The following KDM4A variants were observed in gnomAD, a reference collection of about 807,000 sequenced individuals.
KDM4A encodes the protein lysine-specific demethylase 4A.
KDM4A carries 23 observed loss-of-function variants against 127.1 expected under a neutral mutation model. That is an observed-to-expected ratio of 0.18 (90% confidence interval 0.13 to 0.26). The LOEUF is 0.26. Among genes scored for constraint, KDM4A ranks in the 10% least tolerant of loss-of-function variants. KDM4A has a pLI of 1.00. For synonymous variants in KDM4A, 443 were observed against 466.5 expected (o/e 0.95, Z 0.65); for missense variants, 890 against 1,329.1 (o/e 0.67, Z 5.14).
intron 3 of KDM4A, among the ~76,000 whole-genome samples, chr1:43,659,352 C>T (rs1275493088): frequency 3.3e-5 from 5 of 152,068 alleles, no homozygotes; most frequent in East Asian, 1.9e-4. Flanking sequence ...ACTCTATGGC[C>T]GAGGCTGGAG....
At chr1:43,686,346 T>TC (rs1216134307) in intron 12 of KDM4A, among the ~76,000 whole-genome samples, 79 of 145,076 alleles carry the variant, frequency 5.4e-4, no homozygotes, top group African/African-American at 1.9e-3. Flanking sequence ...TTTTTTTTTT[T>TC]TTTTGAGACG....
chr1:43,657,394 G>A (rs1159823550), intron 3 of KDM4A, among the ~76,000 whole-genome samples: 1 of 151,884 alleles, frequency 6.6e-6, no homozygotes, highest in African/African-American at 2.4e-5. Flanking sequence ...GCAGAGGCAG[G>A]GTTTCACCAT....
At chr1:43,652,666 T>G (rs552362347) in intron 1 of KDM4A, among the ~76,000 whole-genome samples, 2 of 141,746 alleles carry the variant, frequency 1.4e-5, no homozygotes, top group Admixed American at 1.4e-4. Context: ...TACTTTTCTT[T>G]CTTTCTTTCT....
Position 43,703,125 on chromosome 1 carries a change from G to C in KDM4A, c.2842-492G>C, listed in dbSNP as rs1022719566. ...ACCTGGCTAATTTTTTGCATTTTTAGTAGAGATGGGGTTTCACCATGTTAG... is the reference window on the plus strand; with the variant it reads ...ACCTGGCTAATTTTTTGCATTTTTACTAGAGATGGGGTTTCACCATGTTAG... On this transcript the variant is annotated intron_variant, in intron 19 of 21. Transcript: ENST00000372396. 2.0e-5 allele frequency among the ~76,000 whole-genome samples: 3 copies of C among 152,056 alleles called. No homozygotes were observed. In the South Asian group the frequency reaches 6.2e-4, roughly 32 times the overall value.
rs139997545 is a variant in KDM4A at position 43,688,411 on chromosome 1, G to C, written c.1856-503G>C. ...CTGCTGACCTTTCCAGAGGAAGCTG[G>C]TAAGTCCTGGCCAAGGACCATGATA... On this transcript the variant is annotated intron_variant, in intron 12 of 21. Transcript: ENST00000372396. This position sits in a 1 kb window ranked among gnomAD's most constrained non-coding sequence, Gnocchi z 4.4. Among the ~76,000 whole-genome samples the C allele has an allele frequency of 2.2e-4, 33 of 152,274 alleles. 1 individual carries two copies. The highest frequency in any genetic ancestry group is 7.7e-4 in the African/African-American group (32 of 41,538).
chr1:43,690,717 C>A, intron 13 of KDM4A, 128 bp from the exon 14 acceptor site: 1 of 858,662 alleles, frequency 1.2e-6, no homozygotes, highest in Non-Finnish European at 2.0e-6. Flanking sequence ...GGGATAATGG[C>A]TGTGCACCCG....
chr1:43,691,450 AC>A lies in KDM4A; in HGVS notation c.2243-45del, dbSNP rs753086102. On this transcript the variant is annotated intron_variant, in intron 14 of 21. Transcript: ENST00000372396. ...AAAGGAATTGCAAATCTACCTTTTG[AC>A]TCTGACCACTGGGTTTAATTTGCTC... The A allele has an allele frequency of 3.4e-6, 5 of 1,480,394 alleles. No homozygotes were observed. In the African/African-American group the frequency reaches 6.9e-5, roughly 21 times the overall value. 91.7% of individuals were successfully genotyped at this position (1,480,394 alleles called of 1,614,324 possible).
At chr1:43,685,805 G>A (rs1660960844) in intron 12 of KDM4A, among the ~76,000 whole-genome samples, 1 of 152,056 alleles carries the variant, frequency 6.6e-6, no homozygotes, top group African/African-American at 2.4e-5. Flanking sequence ...TAAACAGGGT[G>A]GGGAATATCC....
intron 8 of KDM4A, 68 bp downstream of exon 8, chr1:43,667,159 G>T: frequency 6.4e-7 from 1 of 1,564,412 alleles, no homozygotes; most frequent in Non-Finnish European, 8.8e-7. Flanking sequence ...AGATACGTTG[G>T]CTGGTGATTA....
chr1:43,687,271 G>A (rs1407374537), intron 12 of KDM4A, among the ~76,000 whole-genome samples: 2 of 152,230 alleles, frequency 1.3e-5, no homozygotes, highest in African/African-American at 4.8e-5. Context: ...TGAGGGCAGC[G>A]TAGAATACTA....
intron 4 of KDM4A, among the ~76,000 whole-genome samples, chr1:43,660,634 G>A (rs532637146): frequency 6.5e-4 from 99 of 152,282 alleles, no homozygotes; most frequent in Non-Finnish European, 2.9e-4. Flanking sequence ...ATGATGTGGT[G>A]TTCTTTTCAA....
intron 11 of KDM4A, among the ~76,000 whole-genome samples, chr1:43,676,986 T>G (rs1168758564): frequency 2.6e-5 from 4 of 152,176 alleles, no homozygotes; most frequent in African/African-American, 9.7e-5. Flanking sequence ...TCTGCTGAAG[T>G]ATTTGAAAGC....
At chr1:43,681,125 T>C (rs1660848140) in intron 11 of KDM4A, among the ~76,000 whole-genome samples, 1 of 152,178 alleles carries the variant, frequency 6.6e-6, no homozygotes, top group South Asian at 2.1e-4. Context: ...TTATTCTTTG[T>C]CCACCGGAAC....
At chr1:43,659,499 A>T (rs1660322102) in intron 3 of KDM4A, among the ~76,000 whole-genome samples, 1 of 152,034 alleles carries the variant, frequency 6.6e-6, no homozygotes, top group Non-Finnish European at 1.5e-5. Context: ...TTGTATTTTT[A>T]GTAGAGACCA....
intron 5 of KDM4A, among the ~76,000 whole-genome samples, chr1:43,664,541 G>T (rs1421572407): frequency 6.6e-6 from 1 of 152,178 alleles, no homozygotes; most frequent in African/African-American, 2.4e-5. Context: ...GGGGAGTCAT[G>T]AAAACCATAT....
At chr1:43,684,804 T>C (rs993363122) in intron 12 of KDM4A, among the ~76,000 whole-genome samples, 1 of 152,214 alleles carries the variant, frequency 6.6e-6, no homozygotes, top group African/African-American at 2.4e-5. Flanking sequence ...GCTGGCATCT[T>C]GAGGATGGCT....
At position 43,694,777 on chromosome 1, in the gene KDM4A, C is replaced by T. The variant is rs1661203676; in HGVS notation, c.2553C>T (p.Arg851=). The change falls in exon 18 of 22, where the codon CGC becomes CGT. Residue 851 remains arginine (R), a synonymous_variant. Transcript: ENST00000372396. The surrounding 1 kb of genome is among the most constrained non-coding windows in gnomAD (Gnocchi z 5.2). ...AGCCVQCSHG[R]CPTAFHVSCA... ...GCTGTGTGCAGTGTTCTCACGGCCG[C>T]TGCCCAACTGCCTTCCATGTGAGCT... The T allele has an allele frequency of 6.2e-7, 1 of 1,614,156 alleles. No homozygotes were observed. The highest frequency in any genetic ancestry group is 8.5e-7 in the Non-Finnish European group (1 of 1,179,998).
intron 12 of KDM4A, among the ~76,000 whole-genome samples, chr1:43,686,466 AG>A (rs1416639800): frequency 6.6e-6 from 1 of 151,762 alleles, no homozygotes; most frequent in African/African-American, 2.4e-5. Context: ...CCTCCCGAGT[AG>A]CTAGGATTAC....
intron 15 of KDM4A, among the ~76,000 whole-genome samples, chr1:43,692,026 C>T (rs1022179817): frequency 6.6e-6 from 1 of 152,212 alleles, no homozygotes; most frequent in Non-Finnish European, 1.5e-5. Context: ...TTAGCAGCAA[C>T]AATGAAGAGG....
Sources: gnomAD v4.1 joint callset for allele counts (sites outside exome capture counted in the v4.1 genomes callset) on GRCh38, gnomAD v4.1.1 for gene constraint, Gnocchi (gnomAD v3.1) non-coding constraint, MANE v1.5 for transcripts, NCBI Gene and HGNC (gene_info 2026-07-23, HGNC 2026-07-21) for gene names.